MIA2: variants seen among roughly 807,000 people sequenced by gnomAD.
MIA2 encodes MIA SH3 domain ER export factor 2, also known as melanoma inhibitory activity protein 2.
MIA2 carries 127 observed loss-of-function variants against 167.8 expected under a neutral mutation model. The ratio of observed to expected loss-of-function variants is 0.76; its 90% confidence interval spans 0.66 to 0.88. The LOEUF is 0.88. Ranked by LOEUF, MIA2 falls within the 40% of genes least tolerant of loss-of-function variation. MIA2 has a pLI of 0.00. For missense variants in MIA2, 1,690 were observed against 1,624.7 expected, an observed-to-expected ratio of 1.04 and a Z score of -0.69; for synonymous variants, 552 against 541.9, an observed-to-expected ratio of 1.02 and a Z score of -0.26.
chr14:39,266,442 C>A (rs934783005), intron 6 of MIA2: 6 of 985,320 alleles, frequency 6.1e-6, no homozygotes, highest in Non-Finnish European at 6.0e-6. Context: ...AGGCCAAGGT[C>A]CACGGGGATT....
intron 19 of MIA2, among the ~76,000 whole-genome samples, chr14:39,314,136 T>C (rs903514549): frequency 8.5e-5 from 13 of 152,080 alleles, no homozygotes; most frequent in African/African-American, 2.4e-4. Context: ...CTATAATCCC[T>C]GTACTTTGGG....
intron 25 of MIA2, among the ~76,000 whole-genome samples, chr14:39,341,257 G>A (rs1321210677): frequency 5.9e-5 from 9 of 152,110 alleles, no homozygotes; most frequent in South Asian, 4.1e-4. Context: ...AGCTGAGACC[G>A]CACCGTTGCA....
intron 6 of MIA2, among the ~76,000 whole-genome samples, chr14:39,268,003 A>T (rs1339151276): frequency 6.6e-6 from 1 of 150,696 alleles, no homozygotes; most frequent in Non-Finnish European, 1.5e-5. Flanking sequence ...TTGGTAAAGA[A>T]TGAATGCCCT....
chr14:39,334,841 T>G (rs1039530922), intron 25 of MIA2, among the ~76,000 whole-genome samples: 5 of 152,310 alleles, frequency 3.3e-5, no homozygotes, highest in African/African-American at 1.2e-4. Flanking sequence ...GTGCTGTGAT[T>G]ACAGGTGTGA....
intron 24 of MIA2, among the ~76,000 whole-genome samples, chr14:39,323,909 T>C (rs1361748054): frequency 6.6e-6 from 1 of 152,224 alleles, no homozygotes; most frequent in African/African-American, 2.4e-5. Context: ...TTTAAAAAGC[T>C]ACAGAAGTTC....
chr14:39,350,313 G>C lies in MIA2; in HGVS notation c.*49G>C. On this transcript the variant is annotated 3_prime_UTR_variant, in exon 29 of 29. Transcript: ENST00000640607. ...GTAATTTTGACTGATCTCATTTTCAGTTTAAGTAACTGCTGTTACTTAAGT... is the reference window on the plus strand; with the variant it reads ...GTAATTTTGACTGATCTCATTTTCACTTTAAGTAACTGCTGTTACTTAAGT... 1 of 822,830 alleles carries C rather than the reference G, an allele frequency of 1.2e-6. No individual in the cohort carries two copies. The highest frequency in any genetic ancestry group is 2.5e-5 in the South Asian group (1 of 40,456). The allele number at this position is 822,830 out of a possible 1,614,324, so 51.0% of individuals were successfully genotyped here. A position where few individuals can be genotyped will look rare whatever the true frequency, so the allele number is the denominator to read the frequency against.
chr14:39,294,855 G>A (rs2061206478), intron 12 of MIA2, 70 bp from the exon 13 acceptor site: 5 of 984,536 alleles, frequency 5.1e-6, no homozygotes, highest in Admixed American at 1.9e-5. Flanking sequence ...TGTGTTCTAG[G>A]GAGTATGTGT....
downstream of MIA2, among the ~76,000 whole-genome samples, chr14:39,356,156 G>T (rs1321293515): frequency 6.6e-6 from 1 of 152,056 alleles, no homozygotes; most frequent in African/African-American, 2.4e-5. Context: ...ACCTCTGGTA[G>T]AATTCGGCTG....
intron 6 of MIA2, chr14:39,267,410 C>G (rs764722518): frequency 1.2e-6 from 2 of 1,608,438 alleles, no homozygotes; most frequent in South Asian, 2.2e-5. Context: ...TTTATTGTGG[C>G]CCCGACAGGC....
chr14:39,346,896 T>C (rs976814731), intron 26 of MIA2: 10 of 331,010 alleles, frequency 3.0e-5, no homozygotes, highest in Middle Eastern at 3.9e-4. Flanking sequence ...ATGAGACACC[T>C]TGCTCAGCCT....
Position 39,367,086 on chromosome 14 carries a change from A to G in MIA2, c.2248+18109A>G, listed in dbSNP as rs533857230. 4.6e-5 allele frequency among the ~76,000 whole-genome samples: 7 copies of G among 152,256 alleles called. No individual in the cohort carries two copies. The East Asian group carries it at 1.4e-3, about 29-fold the overall frequency. On this transcript the variant is annotated intron_variant, in intron 23 of 23. Transcript: ENST00000341502. ...GCTGATGGAGGCAGGGTTTTTATCA[A>G]TGGCAGTAGCTTTAGGCAGGCAGGT...
At chr14:39,365,394 T>C (rs1052036283) in intron 23 of MIA2, among the ~76,000 whole-genome samples, 4 of 152,218 alleles carry the variant, frequency 2.6e-5, no homozygotes, top group Non-Finnish European at 5.9e-5. Context: ...AGCCTTCTCT[T>C]CTTTTTTCTG....
At chr14:39,314,483 A>C (rs949000211) in intron 19 of MIA2, among the ~76,000 whole-genome samples, 1 of 151,920 alleles carries the variant, frequency 6.6e-6, no homozygotes, top group African/African-American at 2.4e-5. Flanking sequence ...GTAAATATTT[A>C]TGTGACTTTG....
intron 23 of MIA2, 88 bp from the exon 24 acceptor site, chr14:39,320,840 C>A: frequency 7.1e-7 from 1 of 1,412,752 alleles, no homozygotes; most frequent in Non-Finnish European, 9.7e-7. Context: ...ATAGGATGAC[C>A]TGATGGTAAT....
intron 23 of MIA2, among the ~76,000 whole-genome samples, chr14:39,357,228 G>A (rs1240403367): frequency 1.3e-5 from 2 of 152,092 alleles, no homozygotes; most frequent in African/African-American, 4.8e-5. Context: ...TTATGAATCT[G>A]GGTGCTCCTG....
chr14:39,301,492 C>T (rs574606700), intron 14 of MIA2, among the ~76,000 whole-genome samples: 2 of 152,252 alleles, frequency 1.3e-5, no homozygotes, highest in South Asian at 4.1e-4. Context: ...GTTATTTGTG[C>T]CTGGAACTCT....
chr14:39,289,689 C>T (rs1268305156), intron 9 of MIA2, among the ~76,000 whole-genome samples: 1 of 152,144 alleles, frequency 6.6e-6, no homozygotes, highest in Non-Finnish European at 1.5e-5. Context: ...CACTATGTTG[C>T]CCAGGCTGGC....
At chr14:39,358,368 G>A (rs547480982) in intron 23 of MIA2, among the ~76,000 whole-genome samples, 181 of 152,126 alleles carry the variant, frequency 1.2e-3, no homozygotes, top group Non-Finnish European at 1.7e-3. Flanking sequence ...TTGTGCATTC[G>A]TCACGTAGTT....
chr14:39,385,615 G>A, intron 23 of MIA2: 1 of 820,174 alleles, frequency 1.2e-6, no homozygotes. Flanking sequence ...CTGGGTCTCT[G>A]GATTGGGGCT....
Sources: allele counts gnomAD v4.1 joint callset (sites outside exome capture counted in the v4.1 genomes callset), GRCh38; gene constraint gnomAD v4.1.1; transcripts MANE v1.5; gene names NCBI Gene and HGNC (gene_info 2026-07-23, HGNC 2026-07-21).